The following RGS9 variants were observed in gnomAD, a reference collection of about 807,000 sequenced individuals.
RGS9 encodes regulator of G-protein signalling 9.
In RGS9, 78 loss-of-function variants were observed where a neutral mutation model predicts 102.0. The ratio of observed to expected loss-of-function variants is 0.76; its 90% CI spans 0.64 to 0.92. The LOEUF (loss-of-function observed/expected upper bound fraction) is 0.92, where lower values mean the gene tolerates loss of function less well. Among genes scored for constraint, RGS9 ranks in the 40% least tolerant of loss-of-function variants. The pLI is 0.00. For synonymous variants in RGS9, 353 were observed against 318.6 expected, an observed-to-expected ratio of 1.11 and a Z score of -1.15; for missense variants, 833 against 866.1, an observed-to-expected ratio of 0.96 and a Z score of 0.48.
chr17:65,168,170 TG>T, intron 7 of RGS9, 29 bp from the exon 8 acceptor site: 1 of 1,518,866 alleles, frequency 6.6e-7, no homozygotes, highest in Non-Finnish European at 9.1e-7. Context: ...AAAGTCTTCC[TG>T]GCCTTACACG....
At chr17:65,145,184 G>A (rs1415499033) in intron 1 of RGS9, among the ~76,000 whole-genome samples, 15 of 152,078 alleles carry the variant, frequency 9.9e-5, no homozygotes, top group South Asian at 2.1e-4. Context: ...TCCACCGCCC[G>A]GGTTCAAGCG....
intron 8 of RGS9, among the ~76,000 whole-genome samples, chr17:65,170,444 A>T (rs1379721069): frequency 6.6e-6 from 1 of 152,192 alleles, no homozygotes; most frequent in Non-Finnish European, 1.5e-5. Context: ...AAGCTCAAGG[A>T]TGCTGCTAAT....
chr17:65,207,874 G>T (rs1382190882), intron 15 of RGS9, 48 bp from the exon 16 acceptor site: 1 of 1,394,482 alleles, frequency 7.2e-7, no homozygotes, highest in South Asian at 1.2e-5. Flanking sequence ...GGTTTGATTT[G>T]ACTGCTTTTT....
At chr17:65,188,050 TAA>T (rs1372332680) in intron 9 of RGS9, among the ~76,000 whole-genome samples, 1 of 152,122 alleles carries the variant, frequency 6.6e-6, no homozygotes, top group Admixed American at 6.5e-5. Flanking sequence ...TCTTGAAGTA[TAA>T]GAGTCAGTAC....
At chr17:65,144,421 G>A (rs552755817) in intron 1 of RGS9, among the ~76,000 whole-genome samples, 1 of 152,292 alleles carries the variant, frequency 6.6e-6, no homozygotes, top group African/African-American at 2.4e-5. Context: ...GGGTTCCCTG[G>A]CACGCCCACT....
chr17:65,213,484 A>C (rs1197644114), intron 17 of RGS9, among the ~76,000 whole-genome samples: 1 of 152,040 alleles, frequency 6.6e-6, no homozygotes. Context: ...CTGAGATGAC[A>C]TACCCAGCAG....
intron 7 of RGS9, 80 bp downstream of exon 7, chr17:65,163,169 A>G (rs1911052423): frequency 1.0e-5 from 7 of 678,158 alleles, no homozygotes; most frequent in South Asian, 9.6e-5. Flanking sequence ...TATTTATTTT[A>G]TTTTTTATTT....
At chr17:65,189,577 A>G (rs1329088615) in intron 10 of RGS9, among the ~76,000 whole-genome samples, 1 of 152,142 alleles carries the variant, frequency 6.6e-6, no homozygotes, top group Non-Finnish European at 1.5e-5. Context: ...GGACTGTGGA[A>G]CCAATGCTGC....
intron 1 of RGS9, among the ~76,000 whole-genome samples, chr17:65,147,906 T>G (rs367960041): frequency 6.6e-6 from 1 of 152,276 alleles, no homozygotes; most frequent in South Asian, 2.1e-4. Context: ...TTAAAAAATT[T>G]TTATTTTATT....
intron 1 of RGS9, among the ~76,000 whole-genome samples, chr17:65,141,285 A>G (rs1010187275): frequency 2.0e-5 from 3 of 152,140 alleles, no homozygotes; most frequent in East Asian, 1.9e-4. Context: ...TCCAGCACCC[A>G]TGGACTCTTG....
intron 14 of RGS9, 124 bp from the exon 15 acceptor site, chr17:65,204,037 TAA>T: frequency 8.7e-7 from 1 of 1,146,526 alleles, no homozygotes; most frequent in Non-Finnish European, 1.3e-6. Flanking sequence ...TAGTGTCTCC[TAA>T]AAAAACCACC....
At chr17:65,176,130 G>A (rs141261077) in intron 8 of RGS9, among the ~76,000 whole-genome samples, 1 of 152,292 alleles carries the variant, frequency 6.6e-6, no homozygotes, top group East Asian at 1.9e-4. Context: ...TGGATGCCTG[G>A]CATCACACCT....
Position 65,198,668 on chromosome 17 carries a change from G to A in RGS9, c.976+1427G>A, listed in dbSNP as rs779746656. On this transcript the variant is annotated intron_variant, in intron 13 of 18. Coordinates refer to ENST00000262406, the MANE Select transcript of RGS9 (RefSeq NM_003835.4). ...CCTTCATTGAAATATTTACCTTTAC[G>A]GGATTCTTTTACTTCCTTGCTCAGT... is the stretch of plus-strand genomic sequence containing the variant. Among the ~76,000 whole-genome samples the A allele has an allele frequency of 3.3e-5, 5 of 152,280 alleles. No homozygotes were observed. In the South Asian group the frequency reaches 6.2e-4, roughly 19 times the overall value.
rs552141644 is a variant in RGS9, at chr17:65,226,669, G to A, written c.1893-606G>A. On this transcript the variant is annotated intron_variant, in intron 18 of 18. Coordinates refer to ENST00000262406, the MANE Select transcript of RGS9 (RefSeq NM_003835.4). The stretch of plus-strand genomic sequence containing the variant: ...GCTCTGTAGTCCAAGCTGGAGTGCA[G>A]TGGTGTAATCTTGGCTCACTGCAGT... 1.2e-4 allele frequency among the ~76,000 whole-genome samples: 18 copies of A among 151,188 alleles called. No individual in the cohort carries two copies. In the South Asian group the frequency reaches 3.3e-3, roughly 28 times the overall value.
At chr17:65,189,445 A>T in intron 10 of RGS9, 130 bp downstream of exon 10, 2 of 762,548 alleles carry the variant, frequency 2.6e-6, no homozygotes, top group Admixed American at 3.9e-5. Flanking sequence ...TTATTTCCAA[A>T]TTCACGGACA....
chr17:65,227,489 TG>T lies in RGS9; in HGVS notation c.*83del, dbSNP rs1337803668. ...CATGGTATGGGCCACAGGACACACT[TG>T]CTCGAGAACCAAAGTGCATTTGGGT... On this transcript the variant is annotated 3_prime_UTR_variant, in exon 19 of 19. Coordinates refer to ENST00000262406, the MANE Select transcript of RGS9 (RefSeq NM_003835.4). 9.8e-6 allele frequency: 15 copies of T among 1,537,186 alleles called. No homozygotes were observed. In the East Asian group the frequency reaches 1.9e-4, roughly 20 times the overall value.
chr17:65,211,280 G>A (rs551915710), intron 17 of RGS9, among the ~76,000 whole-genome samples: 11 of 152,288 alleles, frequency 7.2e-5, no homozygotes, highest in Admixed American at 1.3e-4. Context: ...CTGCTGAGAC[G>A]TTTCTCCTGT....
chr17:65,170,048 C>CTTTTT (rs993959757), intron 8 of RGS9, among the ~76,000 whole-genome samples: 24 of 122,096 alleles, frequency 2.0e-4, no homozygotes, highest in Admixed American at 2.5e-4. Flanking sequence ...CTTCTGCATT[C>CTTTTT]TTTTTTTTTT....
intron 11 of RGS9, among the ~76,000 whole-genome samples, chr17:65,191,107 C>T (rs1214877659): frequency 6.6e-6 from 1 of 152,190 alleles, no homozygotes; most frequent in Non-Finnish European, 1.5e-5. Flanking sequence ...GACTCTGCTG[C>T]TGCTAAGCCC....
Sources: allele counts gnomAD v4.1 joint callset (sites outside exome capture counted in the v4.1 genomes callset), GRCh38; gene constraint gnomAD v4.1.1; transcripts MANE v1.5; gene names NCBI Gene and HGNC (gene_info 2026-07-23, HGNC 2026-07-21).